CPEB3: variants seen among roughly 807,000 people sequenced by gnomAD.
The protein encoded by CPEB3 is cytoplasmic polyadenylation element binding protein 3.
Under a neutral mutation model 67.2 loss-of-function variants are expected in CPEB3, and 20 were observed. The observed-to-expected ratio is 0.30, with a 90% CI of 0.21 to 0.43. CPEB3 has a LOEUF of 0.43. Among genes scored for constraint, CPEB3 ranks in the 20% least tolerant of loss-of-function variants. The pLI, the probability that CPEB3 is intolerant of heterozygous loss-of-function variation, is 1.00. For missense variants in CPEB3, 746 were observed against 968.6 expected (o/e 0.77, Z 3.05); for synonymous variants, 376 against 393.1 (o/e 0.96, Z 0.51).
At chr10:92,177,908 A>C (rs1337466611) in intron 4 of CPEB3, among the ~76,000 whole-genome samples, 2 of 152,204 alleles carry the variant, frequency 1.3e-5, no homozygotes, top group East Asian at 3.9e-4. Context: ...TTTGGGAAAC[A>C]TAATGATTGG....
chr10:92,110,237 C>T (rs1844666700), intron 7 of CPEB3, among the ~76,000 whole-genome samples: 1 of 152,200 alleles, frequency 6.6e-6, no homozygotes, highest in African/African-American at 2.4e-5. Flanking sequence ...ACAAAGGCCG[C>T]TGCAGGCCCT....
chr10:92,211,195 A>T (rs1411184277), intron 2 of CPEB3, among the ~76,000 whole-genome samples: 2 of 152,244 alleles, frequency 1.3e-5, no homozygotes, highest in Admixed American at 6.5e-5. Flanking sequence ...GGAACAATAT[A>T]AGCATTCAGC....
intron 7 of CPEB3, among the ~76,000 whole-genome samples, chr10:92,102,989 C>A (rs904255921): frequency 2.0e-5 from 3 of 152,044 alleles, no homozygotes; most frequent in African/African-American, 7.3e-5. Context: ...CAGTGCCTAA[C>A]CATTAGTGAG....
intron 1 of CPEB3, among the ~76,000 whole-genome samples, chr10:92,285,378 C>A (rs11814285): frequency 0.068 from 10,293 of 152,222 alleles, 1,149 homozygotes; most frequent in African/African-American, 0.23. Flanking sequence ...TCAAGTGATT[C>A]TCCTGCCTCA....
intron 2 of CPEB3, among the ~76,000 whole-genome samples, chr10:92,194,135 A>C (rs989208939): frequency 6.6e-6 from 1 of 151,160 alleles, no homozygotes; most frequent in East Asian, 2.0e-4. Flanking sequence ...CATATATTGG[A>C]TACACTTTTT....
At chr10:92,258,798 C>T (rs1249984433) in intron 1 of CPEB3, among the ~76,000 whole-genome samples, 4 of 150,738 alleles carry the variant, frequency 2.7e-5, no homozygotes, top group Admixed American at 6.6e-5. Context: ...GCTGGAACTA[C>T]AGGCACCCAC....
chr10:92,282,704 A>C (rs1842350672), intron 1 of CPEB3, among the ~76,000 whole-genome samples: 1 of 151,878 alleles, frequency 6.6e-6, no homozygotes, highest in South Asian at 2.1e-4. Flanking sequence ...AGAAAGAAAA[A>C]AACATAATAC....
chr10:92,171,500 T>C (rs1847998750), intron 4 of CPEB3, among the ~76,000 whole-genome samples: 2 of 152,220 alleles, frequency 1.3e-5, no homozygotes, highest in Admixed American at 1.3e-4. Flanking sequence ...GTGTTTTCTA[T>C]TTTGGCTCCT....
At chr10:92,082,922 G>C (rs1419173268) in intron 8 of CPEB3, among the ~76,000 whole-genome samples, 1 of 152,134 alleles carries the variant, frequency 6.6e-6, no homozygotes, top group East Asian at 1.9e-4. Flanking sequence ...GGGAGATGGA[G>C]AGCAGCACAA....
chr10:92,186,830 G>A (rs1292465849), intron 3 of CPEB3, among the ~76,000 whole-genome samples: 4 of 152,232 alleles, frequency 2.6e-5, no homozygotes, highest in Non-Finnish European at 5.9e-5. Flanking sequence ...TCTACTTACT[G>A]TCTCTGCCCC....
chr10:92,077,701 C>G (rs1333774824), intron 9 of CPEB3, among the ~76,000 whole-genome samples: 2 of 151,406 alleles, frequency 1.3e-5, no homozygotes, highest in East Asian at 3.9e-4. Context: ...TGAAGCTGCA[C>G]TCCAGCCTGG....
chr10:92,192,633 G>A lies in CPEB3; in HGVS notation c.1009C>T (p.Arg337Trp), dbSNP rs745558291. The change falls in exon 3 of 10, where the codon CGG becomes TGG. Residue 337 changes from arginine to tryptophan, a missense_variant. Coordinates refer to ENST00000265997, the MANE Select transcript of CPEB3 (RefSeq NM_014912.5). ...NGNNLLPFQD[R>W]SRPYDTFNLH... ...TTAAAAGTATCATAGGGCCTACTCC[G>A]GTCCTAAGAATAAAAACAAAAACAA... The A allele has an allele frequency of 1.3e-5, 21 of 1,575,916 alleles. No individual in the cohort carries two copies. The highest frequency in any genetic ancestry group is 1.9e-5 in the Admixed American group (1 of 53,144).
At chr10:92,062,996 C>G (rs1055628249) in intron 9 of CPEB3, among the ~76,000 whole-genome samples, 3 of 152,162 alleles carry the variant, frequency 2.0e-5, no homozygotes, top group African/African-American at 7.2e-5. Flanking sequence ...CTGAAGAATA[C>G]ATGTAATTTA....
At chr10:92,251,034 A>C (rs186801468) in intron 1 of CPEB3, among the ~76,000 whole-genome samples, 117 of 151,990 alleles carry the variant, frequency 7.7e-4, no homozygotes, top group Non-Finnish European at 1.2e-3. Context: ...CCCAGCCTAT[A>C]CTGTATTTTT....
rs74149376 is a variant in CPEB3 at position 92,110,128 on chromosome 10, A to G, written c.1572+948T>C. 5.4e-3 allele frequency among the ~76,000 whole-genome samples: 822 copies of G among 152,308 alleles called. 8 individuals carry two copies. Among genetic ancestry groups the G allele is most frequent in the African/African-American group, 0.019 (783 of 41,572 alleles). On this transcript the variant is annotated intron_variant, in intron 7 of 9. Transcript: ENST00000265997. Reference sequence around the variant, plus strand: ...AGCAGATATTTAAATACAAGAGTCAACACTCAAACTTCTATATTCAATCCA... The same window carrying G: ...AGCAGATATTTAAATACAAGAGTCAGCACTCAAACTTCTATATTCAATCCA...
At chr10:92,099,979 C>T (rs1002944555) in intron 7 of CPEB3, among the ~76,000 whole-genome samples, 5 of 152,114 alleles carry the variant, frequency 3.3e-5, no homozygotes, top group African/African-American at 1.2e-4. Flanking sequence ...GCCTGGGCAG[C>T]ATAGTGAGAC....
intron 9 of CPEB3, among the ~76,000 whole-genome samples, chr10:92,058,238 A>C (rs1012974650): frequency 6.6e-6 from 1 of 152,168 alleles, no homozygotes; most frequent in Non-Finnish European, 1.5e-5. Flanking sequence ...CAACAAAAGG[A>C]TATCACAATT....
chr10:92,246,376 TA>T (rs1852069447), intron 1 of CPEB3, among the ~76,000 whole-genome samples: 1 of 151,376 alleles, frequency 6.6e-6, no homozygotes, highest in African/African-American at 2.4e-5. Flanking sequence ...TAAAATAAAA[TA>T]AAAATACCCT....
chr10:92,136,454 A>G (rs2133769072), intron 6 of CPEB3, among the ~76,000 whole-genome samples: 1 of 152,366 alleles, frequency 6.6e-6, no homozygotes, highest in East Asian at 1.9e-4. Flanking sequence ...CAAGGGATTA[A>G]TAACAATATA....
Sources: allele counts gnomAD v4.1 joint callset (sites outside exome capture counted in the v4.1 genomes callset), GRCh38; gene constraint gnomAD v4.1.1; transcripts MANE v1.5; gene names NCBI Gene and HGNC (gene_info 2026-07-23, HGNC 2026-07-21).